LYPLAL1: variants seen among roughly 807,000 people sequenced by gnomAD.
LYPLAL1 encodes the protein lysophospholipase like 1, also known as lysophospholipase-like protein 1.
A neutral mutation model predicts 19.7 loss-of-function variants in LYPLAL1; 23 were observed. The observed-to-expected ratio is 1.17, with a 90% CI of 0.84 to 1.65. LYPLAL1 has a LOEUF of 1.65. Among genes scored for constraint, LYPLAL1 ranks in the 40% most tolerant of loss-of-function variants. LYPLAL1 has a pLI of 0.00. For missense variants in LYPLAL1, 355 were observed against 279.4 expected (o/e 1.27, Z -1.93); for synonymous variants, 119 against 96.3 (o/e 1.24, Z -1.38).
the LYPLAL1 span, among the ~76,000 whole-genome samples, chr1:219,288,764 A>G: frequency 6.6e-6 from 1 of 152,228 alleles, no homozygotes; most frequent in Non-Finnish European, 1.5e-5. Context: ...ACAAGAGTAT[A>G]TAAGAAATCT....
the LYPLAL1 span, among the ~76,000 whole-genome samples, chr1:219,299,429 G>T: frequency 5.0e-4 from 76 of 152,290 alleles, no homozygotes; most frequent in Non-Finnish European, 9.4e-4. Context: ...CAGACTCAAA[G>T]AGATATCTGT....
At chr1:219,411,617 C>A in the LYPLAL1 span, 1 of 152,426 alleles carries the variant, frequency 6.6e-6, no homozygotes, top group Non-Finnish European at 1.5e-5. Flanking sequence ...CCGCTCGGGT[C>A]CCCTTCCCCA....
the LYPLAL1 span, among the ~76,000 whole-genome samples, chr1:219,247,254 A>G: frequency 2.0e-5 from 3 of 152,084 alleles, no homozygotes; most frequent in Admixed American, 2.0e-4. Context: ...CTCCAGACTT[A>G]CACTCTAACG....
chr1:219,303,066 C>G, the LYPLAL1 span, among the ~76,000 whole-genome samples: 1 of 152,170 alleles, frequency 6.6e-6, no homozygotes, highest in African/African-American at 2.4e-5. Flanking sequence ...CACACATTTC[C>G]AGAAGTATAG....
chr1:219,309,233 G>A, the LYPLAL1 span, among the ~76,000 whole-genome samples: 1 of 152,144 alleles, frequency 6.6e-6, no homozygotes, highest in Non-Finnish European at 1.5e-5. Flanking sequence ...CATCTGGAAT[G>A]GCTGTATTTA....
the LYPLAL1 span, among the ~76,000 whole-genome samples, chr1:219,219,208 C>G: frequency 6.6e-6 from 1 of 152,106 alleles, no homozygotes. Flanking sequence ...TCTAATTATT[C>G]TCATAGTTAT....
the LYPLAL1 span, among the ~76,000 whole-genome samples, chr1:219,366,665 C>T: frequency 1.3e-5 from 2 of 152,062 alleles, no homozygotes; most frequent in Non-Finnish European, 2.9e-5. Flanking sequence ...ACATTGGGGC[C>T]AAATCAAGTT....
intron 2 of LYPLAL1, among the ~76,000 whole-genome samples, chr1:219,190,911 G>A (rs979351889): frequency 4.0e-5 from 6 of 151,518 alleles, no homozygotes; most frequent in Admixed American, 6.6e-5. Flanking sequence ...TCGTGAAGGG[G>A]CATGATGGAA....
chr1:219,311,765 A>G, the LYPLAL1 span, among the ~76,000 whole-genome samples: 4 of 152,262 alleles, frequency 2.6e-5, no homozygotes, highest in East Asian at 7.7e-4. Context: ...AATCCAACAA[A>G]CATTTCTTAA....
At chr1:219,190,570 T>G (rs1374931689) in intron 2 of LYPLAL1, among the ~76,000 whole-genome samples, 1 of 136,868 alleles carries the variant, frequency 7.3e-6, no homozygotes. Context: ...ACCCAGAAAT[T>G]TAAATTTTTT....
chr1:219,382,865 T>TA, the LYPLAL1 span, among the ~76,000 whole-genome samples: 1 of 149,344 alleles, frequency 6.7e-6, no homozygotes, highest in East Asian at 1.9e-4. Flanking sequence ...AGTTTTGTTT[T>TA]GTTTTTTTTT....
intron 1 of LYPLAL1, chr1:219,174,788 G>GT: frequency 1.0e-5 from 6 of 584,032 alleles, no homozygotes; most frequent in Middle Eastern, 8.7e-4. Flanking sequence ...CTCAGGAAAT[G>GT]TTTTTTAAAG....
chr1:219,281,687 A>G, the LYPLAL1 span, among the ~76,000 whole-genome samples: 4 of 152,136 alleles, frequency 2.6e-5, no homozygotes, highest in East Asian at 5.8e-4. Context: ...GGAAGAATGA[A>G]AAGTGTCTCG....
chr1:219,306,801 C>G, the LYPLAL1 span, among the ~76,000 whole-genome samples: 1 of 114,696 alleles, frequency 8.7e-6, no homozygotes, highest in African/African-American at 3.0e-5. Context: ...TAGACAGATG[C>G]ATAGATAGAT....
the LYPLAL1 span, among the ~76,000 whole-genome samples, chr1:219,371,171 T>C: frequency 1.3e-5 from 2 of 152,210 alleles, no homozygotes; most frequent in East Asian, 3.9e-4. Flanking sequence ...TCTACCTTCC[T>C]TCTAGTACTA....
chr1:219,355,413 AGAGAT>A, the LYPLAL1 span, among the ~76,000 whole-genome samples: 4 of 152,258 alleles, frequency 2.6e-5, no homozygotes, highest in African/African-American at 9.6e-5. Flanking sequence ...ACTGAACAGA[AGAGAT>A]AAAGTAAATA....
At chr1:219,375,987 C>A in the LYPLAL1 span, among the ~76,000 whole-genome samples, 2 of 152,056 alleles carry the variant, frequency 1.3e-5, no homozygotes, top group African/African-American at 4.8e-5. Context: ...ATGATTCACC[C>A]GCCTCGGCCT....
chr1:219,342,202 C>T, the LYPLAL1 span, among the ~76,000 whole-genome samples: 1 of 152,022 alleles, frequency 6.6e-6, no homozygotes, highest in Admixed American at 6.6e-5. Context: ...CCATGAGTCT[C>T]TCAAGGTTTT....
the LYPLAL1 span, among the ~76,000 whole-genome samples, chr1:219,306,480 A>G: frequency 6.6e-6 from 1 of 152,170 alleles, no homozygotes; most frequent in Non-Finnish European, 1.5e-5. Flanking sequence ...TGAAGACCTT[A>G]ATAGAACATA....
Sources: gnomAD v4.1 joint callset for allele counts (sites outside exome capture counted in the v4.1 genomes callset) on GRCh38, gnomAD v4.1.1 for gene constraint, MANE v1.5 for transcripts, NCBI Gene and HGNC (gene_info 2026-07-23, HGNC 2026-07-21) for gene names.